Variants in PELP1 observed in about 807,000 individuals in gnomAD.
PELP1 encodes the protein proline, glutamate and leucine rich protein 1.
Under a neutral mutation model 95.5 loss-of-function variants are expected in PELP1, and 32 were observed. The ratio of observed to expected loss-of-function variants is 0.34; its 90% CI spans 0.25 to 0.45. The LOEUF is 0.45. Among genes scored for constraint, PELP1 ranks in the 20% least tolerant of loss-of-function variants. PELP1 has a pLI of 1.00. For synonymous variants in PELP1, 668 were observed against 600.1 expected (o/e 1.11, Z -1.65); for missense variants, 1,358 against 1,444.8 (o/e 0.94, Z 0.97).
chr17:4,703,886 G>T lies in PELP1; in HGVS notation c.226C>A (p.His76Asn). Residue 76 changes from histidine (H) to asparagine (N), a missense_variant, in exon 1 of 17, where the codon CAT becomes AAT. Physicochemically the swap from His to Asn is moderately conservative, Grantham distance 68 (BLOSUM62 1). Around this residue, in one of 7 missense-constraint regions of PELP1, gnomAD observed 169 missense variants for 134.9 expected, o/e 1.25. Coordinates refer to ENST00000572293, the MANE Select transcript of PELP1 (RefSeq NM_014389.3). ...LPGLMCLLRL[H>N]GSVGGAQNLS... Reference sequence around the variant, plus strand: ...ACCTGGGCCCCGCCCACCGACCCATGCAGCCGCAATAGGCACATGAGCCCG... The same window carrying T: ...ACCTGGGCCCCGCCCACCGACCCATTCAGCCGCAATAGGCACATGAGCCCG... 1 of 1,612,672 alleles carries T rather than the reference G, an allele frequency of 6.2e-7. No individual in the cohort carries two copies. The highest frequency in any genetic ancestry group is 8.5e-7 in the Non-Finnish European group (1 of 1,179,436).
At chr17:4,674,426 G>T in intron 13 of PELP1, 84 bp downstream of exon 13, 4 of 1,284,720 alleles carry the variant, frequency 3.1e-6, no homozygotes, top group Non-Finnish European at 4.4e-6. Context: ...TCACCTAAGG[G>T]TATAGTAGGT....
intron 1 of PELP1, among the ~76,000 whole-genome samples, chr17:4,699,733 T>G (rs1238677547): frequency 5.3e-5 from 8 of 151,844 alleles, no homozygotes; most frequent in African/African-American, 9.7e-5. Context: ...ATTACAGGCA[T>G]GCGTCACCAC....
At chr17:4,679,089 C>T (rs967086584) in intron 5 of PELP1, among the ~76,000 whole-genome samples, 1 of 151,812 alleles carries the variant, frequency 6.6e-6, no homozygotes, top group African/African-American at 2.4e-5. Context: ...TGCAGTGCCA[C>T]GATCTCAGCT....
chr17:4,702,897 C>G (rs561601632), intron 1 of PELP1, among the ~76,000 whole-genome samples: 1 of 151,970 alleles, frequency 6.6e-6, no homozygotes, highest in Admixed American at 6.6e-5. Context: ...TGCCTTCACC[C>G]GGACAAGATG....
chr17:4,681,625 C>T (rs1444291850), intron 5 of PELP1, among the ~76,000 whole-genome samples: 4 of 151,824 alleles, frequency 2.6e-5, no homozygotes, highest in Non-Finnish European at 4.4e-5. Flanking sequence ...CATGATGAAA[C>T]CCCATCTCTA....
chr17:4,686,396 C>T (rs1012541826), intron 3 of PELP1, among the ~76,000 whole-genome samples: 7 of 152,336 alleles, frequency 4.6e-5, no homozygotes, highest in African/African-American at 1.7e-4. Context: ...ACTGCCACAA[C>T]CCTAGTCCAA....
chr17:4,682,681 G>T (rs926165807), intron 4 of PELP1, 108 bp from the exon 5 acceptor site: 38 of 1,436,334 alleles, frequency 2.6e-5, no homozygotes, highest in Admixed American at 4.0e-5. Context: ...ACTTTTTCTT[G>T]GCCCCTCCCT....
intron 5 of PELP1, among the ~76,000 whole-genome samples, chr17:4,681,267 G>C (rs900546942): frequency 3.3e-5 from 5 of 152,040 alleles, no homozygotes; most frequent in East Asian, 1.9e-4. Context: ...GGAGGATCAC[G>C]TGGGGCCAGG....
At chr17:4,676,251 C>G in intron 7 of PELP1, 89 bp from the exon 8 acceptor site, 1 of 1,582,406 alleles carries the variant, frequency 6.3e-7, no homozygotes, top group South Asian at 1.1e-5. Context: ...TATTCTAACC[C>G]ATTTTCCCCA....
chr17:4,674,664 A>C lies in PELP1; in HGVS notation c.1428T>G (p.Arg476=). ...ISPPADALKL[R]SPRGSPDGSL... Reference sequence around the variant, plus strand: ...TCCCATCAGGGCTCCCCCGCGGGCTACGCAGCTGGAGGCAGAGAAAACATA... The same window carrying C: ...TCCCATCAGGGCTCCCCCGCGGGCTCCGCAGCTGGAGGCAGAGAAAACATA... The change falls in exon 13 of 17, where the codon CGT becomes CGG. Residue 476 remains arginine (R), a synonymous_variant. Coordinates refer to ENST00000572293, the MANE Select transcript of PELP1 (RefSeq NM_014389.3). 1 of 1,596,128 alleles carries C rather than the reference A, an allele frequency of 6.3e-7. No individual in the cohort carries two copies. Among genetic ancestry groups the C allele is most frequent in the South Asian group, 1.1e-5 (1 of 88,792 alleles).
Position 4,674,811 on chromosome 17 carries a change from T to C in PELP1, c.1420A>G (p.Lys474Glu). ...SDISPPADAL[K>E]LRSPRGSPDG... ...AGGCGGAGCTGAGGCCTCCTCACCT[T>C]AAGGGCATCAGCTGGCGGGGAGATG... Residue 474 changes from lysine to glutamate, a missense_variant and splice_region_variant, in exon 12 of 17, where the codon AAG becomes GAG. Lys to Glu is a moderately conservative substitution (Grantham distance 56). Coordinates refer to ENST00000572293, the MANE Select transcript of PELP1 (RefSeq NM_014389.3). 6.2e-7 allele frequency: 1 copy of C among 1,611,378 alleles called. No individual in the cohort carries two copies. The highest frequency in any genetic ancestry group is 8.5e-7 in the Non-Finnish European group (1 of 1,178,604).
intron 1 of PELP1, among the ~76,000 whole-genome samples, chr17:4,692,469 A>G (rs1339567246): frequency 6.7e-6 from 1 of 149,170 alleles, no homozygotes; most frequent in Non-Finnish European, 1.5e-5. Flanking sequence ...TCTGTCTCAA[A>G]AAAAAAAAAA....
intron 5 of PELP1, among the ~76,000 whole-genome samples, chr17:4,678,063 A>C (rs1912557088): frequency 6.6e-6 from 1 of 151,940 alleles, no homozygotes; most frequent in Non-Finnish European, 1.5e-5. Context: ...AAAGTACAAA[A>C]ATTAGCTGGG....
intron 1 of PELP1, chr17:4,696,487 G>A (rs1278799640): frequency 2.0e-5 from 3 of 152,224 alleles, no homozygotes; most frequent in Non-Finnish European, 4.4e-5. Flanking sequence ...ACCAGACTGT[G>A]CAGAGACATA....
At chr17:4,691,139 T>A in intron 2 of PELP1, 146 bp from the exon 3 acceptor site, 4 of 672,334 alleles carry the variant, frequency 5.9e-6, no homozygotes, top group South Asian at 1.9e-5. Context: ...TGGAATGAGG[T>A]GGAAGAAGCA....
At chr17:4,676,531 T>C (rs372323822) in intron 6 of PELP1, 24 bp from the exon 7 acceptor site, 8 of 1,611,814 alleles carry the variant, frequency 5.0e-6, no homozygotes, top group Non-Finnish European at 6.8e-6. Context: ...GACAGAAACC[T>C]GGTCAGATGG....
At chr17:4,682,738 T>G in intron 4 of PELP1, 65 bp downstream of exon 4, 1 of 1,491,676 alleles carries the variant, frequency 6.7e-7, no homozygotes, top group East Asian at 2.3e-5. Flanking sequence ...CATCAAACAA[T>G]TAAACAGTGT....
intron 1 of PELP1, among the ~76,000 whole-genome samples, chr17:4,696,218 G>C (rs1913290681): frequency 6.6e-6 from 1 of 152,066 alleles, no homozygotes; most frequent in Non-Finnish European, 1.5e-5. Flanking sequence ...TGTGGTCACA[G>C]CTACTTGGGA....
intron 1 of PELP1, among the ~76,000 whole-genome samples, chr17:4,700,004 G>GA (rs1212583040): frequency 2.1e-5 from 3 of 142,924 alleles, no homozygotes; most frequent in African/African-American, 2.6e-5. Context: ...GAGTTCAAGC[G>GA]ATTCTCCTGC....
Sources: allele counts gnomAD v4.1 joint callset (sites outside exome capture counted in the v4.1 genomes callset), GRCh38; gene constraint gnomAD v4.1.1; regional missense constraint gnomAD v4.1.1; transcripts MANE v1.5; gene names NCBI Gene and HGNC (gene_info 2026-07-23, HGNC 2026-07-21).